MOXD1: variants seen among roughly 807,000 people sequenced by gnomAD.
MOXD1 encodes DBH-like monooxygenase protein 1.
A neutral mutation model predicts 66.6 loss-of-function variants in MOXD1; 62 were observed. That is an observed-to-expected ratio of 0.93 (90% confidence interval 0.76 to 1.15). The LOEUF is 1.15. Among genes scored for constraint, MOXD1 ranks in the 50% most tolerant of loss-of-function variants. MOXD1 has a pLI of 0.00. For synonymous variants in MOXD1, 303 were observed against 281.9 expected, an observed-to-expected ratio of 1.07 and a Z score of -0.75; for missense variants, 847 against 754.6, an observed-to-expected ratio of 1.12 and a Z score of -1.44.
At chr6:132,397,922 C>T (rs1185827570) in intron 1 of MOXD1, among the ~76,000 whole-genome samples, 2 of 152,096 alleles carry the variant, frequency 1.3e-5, no homozygotes, top group South Asian at 2.1e-4. Flanking sequence ...TAAATGTATG[C>T]GTTACAAGTG....
intron 7 of MOXD1, 78 bp from the exon 8 acceptor site, chr6:132,322,948 A>G (rs1775109871): frequency 8.0e-7 from 1 of 1,246,910 alleles, no homozygotes; most frequent in Non-Finnish European, 1.1e-6. Context: ...ACACACTTGG[A>G]GGGACAACTG....
intron 1 of MOXD1, among the ~76,000 whole-genome samples, chr6:132,389,698 C>A (rs1776717242): frequency 6.6e-6 from 1 of 151,346 alleles, no homozygotes; most frequent in African/African-American, 2.4e-5. Flanking sequence ...TCTCTATTAA[C>A]TTGGCCTGCT....
At position 132,297,291 on chromosome 6, in the gene MOXD1, T is replaced by C; in HGVS notation, c.1704A>G (p.Pro568=). Residue 568 remains proline (P), a synonymous_variant, in exon 12 of 12, where the codon CCA becomes CCG. Transcript: ENST00000367963. ...WSIQGMTALP[P]DIERPYKAEP... is the part of the protein sequence containing the mutation. ...CTGCTTTATAGGGTCTTTCTATATC[T>C]GGAGGTAATGCTGTCATTCCTTGAA... is the stretch of plus-strand genomic sequence containing the variant. 1 of 1,612,980 alleles carries C rather than the reference T, an allele frequency of 6.2e-7. No homozygotes were observed. Among genetic ancestry groups the C allele is most frequent in the Non-Finnish European group, 8.5e-7 (1 of 1,179,402 alleles).
At chr6:132,393,027 T>C (rs1210912896) in intron 1 of MOXD1, among the ~76,000 whole-genome samples, 1 of 152,180 alleles carries the variant, frequency 6.6e-6, no homozygotes, top group Non-Finnish European at 1.5e-5. Context: ...AATTAATGAT[T>C]GCCAGCTACT....
chr6:132,383,269 TACAA>T (rs763238585), intron 1 of MOXD1, among the ~76,000 whole-genome samples: 14 of 152,324 alleles, frequency 9.2e-5, no homozygotes, highest in Admixed American at 2.0e-4. Flanking sequence ...CACAGAGCTG[TACAA>T]ACAAATTATA....
At chr6:132,317,903 C>T (rs1774993481) in intron 9 of MOXD1, among the ~76,000 whole-genome samples, 1 of 152,002 alleles carries the variant, frequency 6.6e-6, no homozygotes, top group Non-Finnish European at 1.5e-5. Context: ...TATCCCTAAA[C>T]AATATATTGT....
At chr6:132,300,299 G>A (rs1280094980) in intron 10 of MOXD1, among the ~76,000 whole-genome samples, 2 of 152,038 alleles carry the variant, frequency 1.3e-5, no homozygotes, top group Non-Finnish European at 2.9e-5. Context: ...TCCAGAATTA[G>A]TATCAAGCAA....
At position 132,315,678 on chromosome 6, in the gene MOXD1, G is replaced by A. The variant is rs1215016840; in HGVS notation, c.1465C>T (p.Gln489Ter). Residue 489 changes from glutamine (Q) to a stop codon, truncating the protein, a stop_gained, in exon 10 of 12, where the codon CAA becomes TAA. Coordinates refer to ENST00000367963, the MANE Select transcript of MOXD1 (RefSeq NM_015529.4). LOFTEE classifies it high-confidence loss of function. ...RCASIPDIME[Q>*]LQFIGVKEIY... ...TCCTTAACCCCAATGAACTGAAGTT[G>A]TTCCATAATGTCTGGAATACTTGCA... 2.5e-6 allele frequency: 4 copies of A among 1,613,216 alleles called. No individual in the cohort carries two copies. The highest frequency in any genetic ancestry group is 3.4e-6 in the Non-Finnish European group (4 of 1,179,542).
At chr6:132,376,410 T>A (rs1373078588) in intron 1 of MOXD1, among the ~76,000 whole-genome samples, 1 of 152,102 alleles carries the variant, frequency 6.6e-6, no homozygotes, top group African/African-American at 2.4e-5. Context: ...GTACCACATC[T>A]AGATTTTCTT....
At chr6:132,360,372 G>C (rs945751646) in intron 4 of MOXD1, among the ~76,000 whole-genome samples, 3 of 152,146 alleles carry the variant, frequency 2.0e-5, no homozygotes, top group African/African-American at 4.8e-5. Context: ...TGTTTATGAG[G>C]ACTGACAATC....
intron 4 of MOXD1, among the ~76,000 whole-genome samples, chr6:132,341,055 C>G (rs921643428): frequency 6.6e-6 from 1 of 152,284 alleles, no homozygotes; most frequent in African/African-American, 2.4e-5. Flanking sequence ...GGAGTTATAA[C>G]AATAGTCATC....
chr6:132,366,696 G>A (rs930951387), intron 4 of MOXD1, among the ~76,000 whole-genome samples: 2 of 152,044 alleles, frequency 1.3e-5, no homozygotes, highest in South Asian at 2.1e-4. Context: ...ACCCTCTATC[G>A]CACTTAACAT....
At chr6:132,349,345 A>G (rs1281184791) in intron 4 of MOXD1, among the ~76,000 whole-genome samples, 2 of 145,708 alleles carry the variant, frequency 1.4e-5, no homozygotes, top group African/African-American at 2.5e-5. Flanking sequence ...ATTCCATCAT[A>G]TATATAGATA....
At chr6:132,317,121 G>T (rs1212850815) in intron 9 of MOXD1, among the ~76,000 whole-genome samples, 1 of 152,150 alleles carries the variant, frequency 6.6e-6, no homozygotes, top group Admixed American at 6.5e-5. Context: ...ATAACAAAAA[G>T]ATATTGAATT....
rs1016834375 is a variant in MOXD1, at chr6:132,344,971, G to T, written c.664-16377C>A. Reference sequence around the variant, plus strand: ...GAACCCAGGACCCGCCAAACAGCAGGTGCAAAAGGAGCTATGTGACAGGAA... The same window carrying T: ...GAACCCAGGACCCGCCAAACAGCAGTTGCAAAAGGAGCTATGTGACAGGAA... On this transcript the variant is annotated intron_variant, in intron 4 of 11. Transcript: ENST00000367963. Among the ~76,000 whole-genome samples the T allele has an allele frequency of 2.2e-4, 34 of 152,134 alleles. 1 individual carries two copies. The highest frequency in any genetic ancestry group is 2.9e-5 in the Non-Finnish European group (2 of 68,024).
intron 4 of MOXD1, among the ~76,000 whole-genome samples, chr6:132,342,199 AC>A (rs1270878932): frequency 6.6e-6 from 1 of 152,078 alleles, no homozygotes; most frequent in East Asian, 1.9e-4. Context: ...ATGGGGTTTC[AC>A]CATGTTGGCC....
intron 1 of MOXD1, chr6:132,392,363 G>C: frequency 6.6e-7 from 1 of 1,526,214 alleles, no homozygotes; most frequent in South Asian, 1.2e-5. Flanking sequence ...CCCATAAGAA[G>C]GGTGAATCAA....
At chr6:132,318,556 T>C (rs1175716864) in intron 9 of MOXD1, among the ~76,000 whole-genome samples, 1 of 152,116 alleles carries the variant, frequency 6.6e-6, no homozygotes, top group Non-Finnish European at 1.5e-5. Context: ...CTTTGTTTTA[T>C]AAGCTAGATA....
intron 4 of MOXD1, among the ~76,000 whole-genome samples, chr6:132,363,399 A>G (rs921685617): frequency 6.6e-6 from 1 of 152,148 alleles, no homozygotes; most frequent in Non-Finnish European, 1.5e-5. Flanking sequence ...GTCAAAAAAT[A>G]AAAAGTAGCT....
Sources: allele counts gnomAD v4.1 joint callset (sites outside exome capture counted in the v4.1 genomes callset), GRCh38; gene constraint gnomAD v4.1.1; transcripts MANE v1.5; gene names NCBI Gene and HGNC (gene_info 2026-07-23, HGNC 2026-07-21).